HYAL4: variants seen among roughly 807,000 people sequenced by gnomAD.
The protein encoded by HYAL4 is hyaluronidase-4.
Under a neutral mutation model 35.2 loss-of-function variants are expected in HYAL4, and 37 were observed. The observed-to-expected ratio is 1.05, with a 90% CI of 0.81 to 1.38. The LOEUF is 1.38. Ranked by LOEUF, HYAL4 falls within the 40% of genes most tolerant of loss-of-function variation. The probability of loss-of-function intolerance (pLI) is 0.00; values close to 1 mark genes in which losing one functional copy is unlikely to be tolerated. For synonymous variants in HYAL4, 198 were observed against 203.2 expected (o/e 0.97, Z 0.22); for missense variants, 572 against 572.4 (o/e 1.00, Z 0.01).
chr7:123,866,877 A>G (rs1375810673), intron 2 of HYAL4, among the ~76,000 whole-genome samples: 2 of 137,232 alleles, frequency 1.5e-5, no homozygotes, highest in East Asian at 2.1e-4. Flanking sequence ...TGCAACCGCC[A>G]CCTCCCAGGT....
At chr7:123,874,266 A>T (rs1456810138) in intron 3 of HYAL4, among the ~76,000 whole-genome samples, 1 of 152,120 alleles carries the variant, frequency 6.6e-6, no homozygotes, top group Non-Finnish European at 1.5e-5. Context: ...ATGATTACAG[A>T]GTGTGATTTT....
chr7:123,808,878 G>C, the HYAL4 span, among the ~76,000 whole-genome samples: 1 of 152,186 alleles, frequency 6.6e-6, no homozygotes, highest in East Asian at 1.9e-4. Context: ...GCCATTCTCT[G>C]GGGCCTTTGT....
chr7:123,814,721 T>A, the HYAL4 span: 1 of 152,632 alleles, frequency 6.6e-6, no homozygotes, highest in African/African-American at 2.4e-5. Context: ...CACATTGGCT[T>A]TAGAAATGAG....
the HYAL4 span, among the ~76,000 whole-genome samples, chr7:123,818,852 A>G: frequency 6.6e-6 from 1 of 152,202 alleles, no homozygotes; most frequent in African/African-American, 2.4e-5. Context: ...CATATACAAC[A>G]TAATGTTTTG....
At position 123,874,780 on chromosome 7, in the gene HYAL4, T is replaced by C. The variant is rs1207483716; in HGVS notation, c.974T>C (p.Ile325Thr). 6.2e-7 allele frequency: 1 copy of C among 1,604,310 alleles called. No individual in the cohort carries two copies. Among genetic ancestry groups the C allele is most frequent in the Non-Finnish European group, 8.5e-7 (1 of 1,171,166 alleles). ...FLSKQDLVST[I>T]GESAALGAAG... ...ATCTAGCAAGATCTAGTCAGCACCATAGGAGAAAGTGCTGCCTTGGGAGCT... is the reference window on the plus strand; with the variant it reads ...ATCTAGCAAGATCTAGTCAGCACCACAGGAGAAAGTGCTGCCTTGGGAGCT... Residue 325 changes from isoleucine to threonine, a missense_variant, in exon 4 of 5, where the codon ATA becomes ACA. Transcript: ENST00000223026.
the HYAL4 span, among the ~76,000 whole-genome samples, chr7:123,799,221 C>A: frequency 6.6e-6 from 1 of 150,426 alleles, no homozygotes; most frequent in South Asian, 2.1e-4. Flanking sequence ...TCCTCTCTTT[C>A]TTCTCCTTAT....
At chr7:123,875,531 C>T (rs953377747) in intron 4 of HYAL4, among the ~76,000 whole-genome samples, 3 of 151,848 alleles carry the variant, frequency 2.0e-5, no homozygotes, top group Non-Finnish European at 4.4e-5. Flanking sequence ...ATGACACATG[C>T]CTGTAATCCC....
chr7:123,873,454 T>G (rs1226250869), intron 3 of HYAL4, among the ~76,000 whole-genome samples: 1 of 151,534 alleles, frequency 6.6e-6, no homozygotes, highest in Admixed American at 6.6e-5. Flanking sequence ...TTTTTTTGAG[T>G]GTTAGACAAT....
intron 2 of HYAL4, among the ~76,000 whole-genome samples, chr7:123,867,163 C>T (rs1584924794): frequency 6.6e-6 from 1 of 152,128 alleles, no homozygotes; most frequent in African/African-American, 2.4e-5. Flanking sequence ...CTGTTGCTTG[C>T]TGCAGAGAAA....
At chr7:123,847,573 C>T (rs1311443288) in intron 1 of HYAL4, among the ~76,000 whole-genome samples, 2 of 152,072 alleles carry the variant, frequency 1.3e-5, no homozygotes, top group African/African-American at 2.4e-5. Flanking sequence ...ATCAGGAGAT[C>T]AAGACCATCC....
chr7:123,816,465 A>G, the HYAL4 span, among the ~76,000 whole-genome samples: 24 of 152,310 alleles, frequency 1.6e-4, no homozygotes, highest in African/African-American at 5.8e-4. Flanking sequence ...GTCAGGAATT[A>G]CATGTTATTA....
intron 3 of HYAL4, among the ~76,000 whole-genome samples, chr7:123,873,844 G>A (rs1177630769): frequency 1.3e-5 from 2 of 152,098 alleles, no homozygotes; most frequent in Non-Finnish European, 2.9e-5. Flanking sequence ...AAATTCCAGC[G>A]ACTTTACCAT....
Position 123,854,849 on chromosome 7 carries a change from G to A in HYAL4, c.-52+6691G>A, listed in dbSNP as rs572612250. 3.9e-5 allele frequency among the ~76,000 whole-genome samples: 6 copies of A among 152,178 alleles called. No homozygotes were observed. The South Asian group carries it at 1.2e-3, about 32-fold the overall frequency. ...TAAAGTATCCCACTATTATTGTGTG[G>A]GAGTCTATGTCTCTTTGTAAGTCTC... On this transcript the variant is annotated intron_variant, in intron 2 of 4. Coordinates refer to ENST00000223026, the MANE Select transcript of HYAL4 (RefSeq NM_012269.3).
intron 1 of HYAL4, among the ~76,000 whole-genome samples, chr7:123,837,442 A>G (rs1033628095): frequency 1.3e-5 from 2 of 152,196 alleles, no homozygotes. Context: ...TCTGTCTCTC[A>G]GGGAGCAATT....
At position 123,845,413 on chromosome 7, in the gene HYAL4, T is replaced by C. The variant is rs1465686460; in HGVS notation, c.-394T>C. ...TAGTAGAGATGGGGTTTCACCATATTGGCCAGAATGGTTTTGCATTCCTGA... is the reference window on the plus strand; with the variant it reads ...TAGTAGAGATGGGGTTTCACCATATCGGCCAGAATGGTTTTGCATTCCTGA... On this transcript the variant is annotated 5_prime_UTR_variant, in exon 1 of 5. Transcript: ENST00000223026. 1 of 151,972 alleles carries C rather than the reference T, an allele frequency of 6.6e-6. No homozygotes were observed. Among genetic ancestry groups the C allele is most frequent in the African/African-American group, 2.4e-5 (1 of 41,388 alleles). The allele number at this position is 151,972 out of a possible 1,614,324, so 9.4% of individuals were successfully genotyped here.
the HYAL4 span, among the ~76,000 whole-genome samples, chr7:123,768,526 G>GT: frequency 1.3e-5 from 2 of 152,192 alleles, no homozygotes; most frequent in Admixed American, 6.5e-5. Flanking sequence ...GACTCGGGAT[G>GT]TTTTTTGCTT....
the HYAL4 span, among the ~76,000 whole-genome samples, chr7:123,778,424 A>G: frequency 0.066 from 10,047 of 152,130 alleles, 415 homozygotes; most frequent in East Asian, 0.11. Flanking sequence ...CACGTCTTAC[A>G]TTTAATTGCC....
upstream of HYAL4, among the ~76,000 whole-genome samples, chr7:123,842,778 T>C (rs1806095227): frequency 6.6e-6 from 1 of 152,032 alleles, no homozygotes; most frequent in Non-Finnish European, 1.5e-5. Flanking sequence ...TTTTGATCTT[T>C]GTTGGTTTAA....
intron 2 of HYAL4, among the ~76,000 whole-genome samples, chr7:123,862,746 C>T (rs935649001): frequency 9.9e-5 from 15 of 152,180 alleles, no homozygotes; most frequent in African/African-American, 3.4e-4. Flanking sequence ...TTTTTATAGT[C>T]TTCCTGCTTC....
Sources: gnomAD v4.1 joint callset for allele counts (sites outside exome capture counted in the v4.1 genomes callset) on GRCh38, gnomAD v4.1.1 for gene constraint, MANE v1.5 for transcripts, NCBI Gene and HGNC (gene_info 2026-07-23, HGNC 2026-07-21) for gene names.